PDE1A: variants seen among roughly 807,000 people sequenced by gnomAD.
PDE1A encodes the protein dual specificity calcium/calmodulin-dependent 3',5'-cyclic nucleotide phosphodiesterase 1A.
In PDE1A, 35 loss-of-function variants were observed where a neutral mutation model predicts 61.7. The observed-to-expected ratio is 0.57, with a 90% CI of 0.43 to 0.75. The LOEUF (loss-of-function observed/expected upper bound fraction) is 0.75, where lower values mean the gene tolerates loss of function less well. Ranked by LOEUF, PDE1A falls within the 30% of genes least tolerant of loss-of-function variation. The pLI, the probability that PDE1A is intolerant of heterozygous loss-of-function variation, is 0.00. For synonymous variants in PDE1A, 232 were observed against 213.2 expected, an observed-to-expected ratio of 1.09 and a Z score of -0.77; for missense variants, 597 against 630.6, an observed-to-expected ratio of 0.95 and a Z score of 0.57.
At chr2:182,673,730 TG>T in the PDE1A span, among the ~76,000 whole-genome samples, 1 of 151,904 alleles carries the variant, frequency 6.6e-6, no homozygotes, top group Non-Finnish European at 1.5e-5. Flanking sequence ...TTAAATATGT[TG>T]CTTATTCAAC....
chr2:182,387,687 G>A (rs1417535551), intron 1 of PDE1A, among the ~76,000 whole-genome samples: 1 of 152,022 alleles, frequency 6.6e-6, no homozygotes, highest in Admixed American at 6.5e-5. Flanking sequence ...AACCTGGGAG[G>A]TGGAGGTTGC....
At chr2:182,323,843 C>A (rs1696865335) in intron 1 of PDE1A, among the ~76,000 whole-genome samples, 1 of 152,208 alleles carries the variant, frequency 6.6e-6, no homozygotes, top group Non-Finnish European at 1.5e-5. Context: ...AAGCCCCACA[C>A]CCTGGTAGAG....
At chr2:182,241,709 AATAAAC>A (rs1690525070) in intron 2 of PDE1A, 4 of 680,616 alleles carry the variant, frequency 5.9e-6, no homozygotes, top group Non-Finnish European at 8.8e-6. Context: ...CCTTATAAAA[AATAAAC>A]ATAAGTTCTG....
chr2:182,550,279 ATAAT>A, the PDE1A span, among the ~76,000 whole-genome samples: 29 of 152,362 alleles, frequency 1.9e-4, no homozygotes, highest in African/African-American at 6.5e-4. Context: ...CATGAAATAA[ATAAT>A]TAATTAGTTT....
intron 13 of PDE1A, among the ~76,000 whole-genome samples, chr2:182,182,356 T>C (rs1407746085): frequency 6.6e-6 from 1 of 152,172 alleles, no homozygotes; most frequent in African/African-American, 2.4e-5. Context: ...AATCTCTTTT[T>C]GCTTACCCTC....
At chr2:182,700,735 A>AAAAAAAAAAAAAAAAAG in the PDE1A span, among the ~76,000 whole-genome samples, 16 of 143,650 alleles carry the variant, frequency 1.1e-4, 1 homozygote, top group Non-Finnish European at 2.3e-4. Context: ...AAAAAAAAAA[A>AAAAAAAAAAAAAAAAAG]AAAAACAGAA....
chr2:182,325,402 T>C (rs943083970), intron 1 of PDE1A, among the ~76,000 whole-genome samples: 1 of 152,068 alleles, frequency 6.6e-6, no homozygotes, highest in African/African-American at 2.4e-5. Flanking sequence ...TGATACCAGA[T>C]TTGGCAACAA....
the PDE1A span, among the ~76,000 whole-genome samples, chr2:182,616,426 G>C: frequency 6.6e-6 from 1 of 152,352 alleles, no homozygotes; most frequent in African/African-American, 2.4e-5. Context: ...GGTTACTTCA[G>C]ATGGAAGATA....
the PDE1A span, among the ~76,000 whole-genome samples, chr2:182,530,026 C>G: frequency 2.0e-5 from 3 of 152,084 alleles, no homozygotes; most frequent in African/African-American, 7.2e-5. Flanking sequence ...GAAAAGGAAG[C>G]AATTAAGACG....
intron 13 of PDE1A, among the ~76,000 whole-genome samples, chr2:182,179,325 A>G (rs1191413973): frequency 6.6e-6 from 1 of 152,178 alleles, no homozygotes; most frequent in Non-Finnish European, 1.5e-5. Flanking sequence ...ACAGAACAAC[A>G]TTTGTGTTGT....
intron 13 of PDE1A, among the ~76,000 whole-genome samples, chr2:182,160,279 G>C (rs181767511): frequency 3.6e-4 from 55 of 152,200 alleles, no homozygotes; most frequent in Non-Finnish European, 6.3e-4. Flanking sequence ...GTGTCAATTT[G>C]ACTGGATTGA....
At chr2:182,663,837 A>G in the PDE1A span, among the ~76,000 whole-genome samples, 74,118 of 151,900 alleles carry the variant, frequency 0.49, 18,377 homozygotes, top group South Asian at 0.54. Flanking sequence ...TAAAAAAAAA[A>G]AGAAAAACGG....
intron 1 of PDE1A, among the ~76,000 whole-genome samples, chr2:182,348,506 C>T (rs1201547114): frequency 6.6e-6 from 1 of 152,070 alleles, no homozygotes; most frequent in Non-Finnish European, 1.5e-5. Flanking sequence ...CTCCCATATT[C>T]TCTCATGGTT....
chr2:182,564,126 G>A, the PDE1A span, among the ~76,000 whole-genome samples: 1 of 152,182 alleles, frequency 6.6e-6, no homozygotes, highest in African/African-American at 2.4e-5. Context: ...TTGCTCGTTA[G>A]TTGATGCAGT....
chr2:182,649,425 T>C, the PDE1A span, among the ~76,000 whole-genome samples: 1 of 149,370 alleles, frequency 6.7e-6, no homozygotes, highest in African/African-American at 2.5e-5. Flanking sequence ...GCTAAAGAGG[T>C]TTTTTCAGGG....
At chr2:182,460,056 A>C (rs146647211) in intron 2 of PDE1A, among the ~76,000 whole-genome samples, 1 of 152,116 alleles carries the variant, frequency 6.6e-6, no homozygotes, top group African/African-American at 2.4e-5. Context: ...TATTTAGTCC[A>C]TGGCCACAAT....
downstream of PDE1A, among the ~76,000 whole-genome samples, chr2:182,163,959 A>G (rs1293919352): frequency 6.6e-6 from 1 of 152,160 alleles, no homozygotes; most frequent in Non-Finnish European, 1.5e-5. Flanking sequence ...GGATTCTGGA[A>G]TGAGGCCTGG....
At chr2:182,327,093 G>A (rs1697092973) in intron 1 of PDE1A, among the ~76,000 whole-genome samples, 1 of 152,160 alleles carries the variant, frequency 6.6e-6, no homozygotes, top group Non-Finnish European at 1.5e-5. Context: ...TCTAGGTCCT[G>A]GGGACACTAT....
the PDE1A span, among the ~76,000 whole-genome samples, chr2:182,651,295 C>T: frequency 2.6e-5 from 4 of 152,198 alleles, no homozygotes; most frequent in African/African-American, 9.7e-5. Flanking sequence ...GTATGAGCCA[C>T]CACACCTGGC....
Sources: allele counts gnomAD v4.1 joint callset (sites outside exome capture counted in the v4.1 genomes callset), GRCh38; gene constraint gnomAD v4.1.1; transcripts MANE v1.5; gene names NCBI Gene and HGNC (gene_info 2026-07-23, HGNC 2026-07-21).